The following AOPEP variants were observed in gnomAD, a reference collection of about 807,000 sequenced individuals.
AOPEP encodes the protein aminopeptidase O (putative), also known as aminopeptidase O.
In AOPEP, 77 loss-of-function variants were observed where a neutral mutation model predicts 98.1. That is an observed-to-expected ratio of 0.78 (90% confidence interval 0.65 to 0.95). The LOEUF is 0.95. AOPEP is among the 40% of genes least tolerant of loss of function. The pLI, the probability that AOPEP is intolerant of heterozygous loss-of-function variation, is 0.00. For synonymous variants in AOPEP, 346 were observed against 365.3 expected (o/e 0.95, Z 0.60); for missense variants, 1,024 against 1,024.7 (o/e 1.00, Z 0.01).
chr9:94,985,287 T>C (rs1386180109), intron 11 of AOPEP, among the ~76,000 whole-genome samples: 1 of 152,250 alleles, frequency 6.6e-6, no homozygotes, highest in Admixed American at 6.5e-5. Flanking sequence ...AAAATGCCAC[T>C]TCTTTCCGAG....
chr9:94,897,284 GA>G (rs1392251884), intron 5 of AOPEP, among the ~76,000 whole-genome samples: 2 of 152,086 alleles, frequency 1.3e-5, no homozygotes, highest in Non-Finnish European at 2.9e-5. Context: ...AATACATTCA[GA>G]TTTTTTTATA....
At chr9:94,957,087 C>T (rs967572193) in intron 9 of AOPEP, among the ~76,000 whole-genome samples, 11 of 152,192 alleles carry the variant, frequency 7.2e-5, no homozygotes, top group African/African-American at 2.7e-4. Flanking sequence ...CAAGAGACTG[C>T]AGTGTTAAAT....
rs372769450 is a variant in AOPEP at position 95,080,677 on chromosome 9, C to G, written c.2233-17C>G. ...CTGCCTGCTTGTCGCTCACTGGGCT[C>G]TCTCTTGTTCCTCCAGGTTCGCCAT... is the stretch of plus-strand genomic sequence containing the variant. On this transcript the variant is annotated splice_polypyrimidine_tract_variant and intron_variant, in intron 14 of 16. Coordinates refer to ENST00000375315, the MANE Select transcript of AOPEP (RefSeq NM_001193329.3). 1.2e-6 allele frequency: 2 copies of G among 1,607,324 alleles called. No homozygotes were observed. The highest frequency in any genetic ancestry group is 2.2e-5 in the East Asian group (1 of 44,846).
At chr9:95,059,551 G>A (rs1026167061) in intron 13 of AOPEP, among the ~76,000 whole-genome samples, 1 of 151,950 alleles carries the variant, frequency 6.6e-6, no homozygotes, top group African/African-American at 2.4e-5. Context: ...AAGGGGGTAG[G>A]GGGTAGGGAG....
chr9:95,132,890 A>G, the AOPEP span, among the ~76,000 whole-genome samples: 1 of 152,338 alleles, frequency 6.6e-6, no homozygotes, highest in African/African-American at 2.4e-5. Flanking sequence ...TCCAGGACTC[A>G]TTCTGCATAG....
At chr9:95,105,984 C>T in the AOPEP span, among the ~76,000 whole-genome samples, 1 of 152,232 alleles carries the variant, frequency 6.6e-6, no homozygotes, top group Non-Finnish European at 1.5e-5. Context: ...GGGTTATAGA[C>T]CTAGGAGAAC....
intron 11 of AOPEP, among the ~76,000 whole-genome samples, chr9:94,981,191 AGAG>A (rs1264777249): frequency 1.3e-5 from 2 of 152,216 alleles, no homozygotes; most frequent in Non-Finnish European, 1.5e-5. Flanking sequence ...TTTCCCCTGC[AGAG>A]GAGGAGGCTT....
At chr9:95,111,567 C>T in the AOPEP span, 1 of 1,614,216 alleles carries the variant, frequency 6.2e-7, no homozygotes. Flanking sequence ...AGTAATTGCT[C>T]TGCCACCATC....
chr9:95,099,496 G>A, the AOPEP span: 21 of 228,214 alleles, frequency 9.2e-5, 1 homozygote, highest in Admixed American at 9.2e-4. Flanking sequence ...AGGCTTTGCC[G>A]AAATCGAAGG....
intron 4 of AOPEP, among the ~76,000 whole-genome samples, chr9:94,793,177 A>G (rs1272523919): frequency 6.6e-6 from 1 of 151,844 alleles, no homozygotes; most frequent in African/African-American, 2.4e-5. Context: ...CATCCTGACC[A>G]ACATGGTGAA....
intron 14 of AOPEP, among the ~76,000 whole-genome samples, chr9:95,075,060 CT>C (rs1436648741): frequency 1.3e-5 from 2 of 152,188 alleles, no homozygotes; most frequent in Non-Finnish European, 2.9e-5. Context: ...TGTTCTTTCT[CT>C]ACTTGCCCAG....
the AOPEP span, among the ~76,000 whole-genome samples, chr9:95,128,189 C>A: frequency 1.3e-5 from 2 of 151,880 alleles, no homozygotes; most frequent in African/African-American, 4.8e-5. Flanking sequence ...GATATAAGCA[C>A]GGAAAATATA....
chr9:95,022,618 C>T (rs149669460), intron 13 of AOPEP, among the ~76,000 whole-genome samples: 4,014 of 150,652 alleles, frequency 0.027, 191 homozygotes, highest in African/African-American at 0.092. Flanking sequence ...GGATTACGGG[C>T]GTAAGCCACC....
At chr9:94,751,888 C>CT (rs80060505) in intron 1 of AOPEP, among the ~76,000 whole-genome samples, 2,201 of 104,388 alleles carry the variant, frequency 0.021, 54 homozygotes, top group African/African-American at 0.041. Context: ...CCCATGAAAA[C>CT]TTTTTTTTTT....
Position 94,759,646 on chromosome 9 carries a change from C to T in AOPEP, c.-135-3C>T, listed in dbSNP as rs1837832927. 7.3e-6 allele frequency: 5 copies of T among 685,470 alleles called. No individual in the cohort carries two copies. Among genetic ancestry groups the T allele is most frequent in the Non-Finnish European group, 1.2e-5 (5 of 423,442 alleles). The allele number at this position is 685,470 out of a possible 1,614,324, so 42.5% of individuals were successfully genotyped here. ...ATCTAATTGTGCTTTCCTTTTTTGC[C>T]AGGAGACTGAAAGGAACCATAATTT... On this transcript the variant is annotated splice_region_variant and splice_polypyrimidine_tract_variant and intron_variant, in intron 1 of 16. Coordinates refer to ENST00000375315, the MANE Select transcript of AOPEP (RefSeq NM_001193329.3).
Position 94,825,325 on chromosome 9 carries a change from C to A in AOPEP, c.1364+24323C>A, listed in dbSNP as rs555196193. 2.0e-4 allele frequency among the ~76,000 whole-genome samples: 31 copies of A among 152,338 alleles called. No individual in the cohort carries two copies. In the East Asian group the frequency reaches 5.4e-3, roughly 27 times the overall value. ...TGTTTTGCCTGTGCCTCTTTACTTA[C>A]GAAGGCTGGGCCCTTCTCTCCCCTT... On this transcript the variant is annotated intron_variant, in intron 5 of 16. Transcript: ENST00000375315.
intron 5 of AOPEP, chr9:94,824,691 C>T (rs1479711477): frequency 6.6e-6 from 1 of 152,106 alleles, no homozygotes; most frequent in East Asian, 1.9e-4. Flanking sequence ...ACTCCTGAGA[C>T]CTGAATTTCA....
chr9:94,964,734 G>A (rs1308439910), intron 9 of AOPEP, among the ~76,000 whole-genome samples: 1 of 149,700 alleles, frequency 6.7e-6, no homozygotes, highest in East Asian at 2.0e-4. Flanking sequence ...CCGCCTCCCA[G>A]GTTCATGCAA....
chr9:94,744,809 G>A (rs1834094545), intron 1 of AOPEP, among the ~76,000 whole-genome samples: 1 of 151,248 alleles, frequency 6.6e-6, no homozygotes, highest in Non-Finnish European at 1.5e-5. Context: ...GCAAAGTTAT[G>A]AAAAATACAG....
Sources: gnomAD v4.1 joint callset for allele counts (sites outside exome capture counted in the v4.1 genomes callset) on GRCh38, gnomAD v4.1.1 for gene constraint, MANE v1.5 for transcripts, NCBI Gene and HGNC (gene_info 2026-07-23, HGNC 2026-07-21) for gene names.